The following ARMH4 variants were observed in gnomAD, a reference collection of about 807,000 sequenced individuals.
ARMH4 encodes the protein armadillo like helical domain containing 4, also known as armadillo-like helical domain-containing protein 4.
ARMH4 carries 49 observed loss-of-function variants against 61.9 expected under a neutral mutation model. That is an observed-to-expected ratio of 0.79 (90% CI 0.63 to 1.00). The LOEUF (loss-of-function observed/expected upper bound fraction) is 1.00. Among genes scored for constraint, ARMH4 ranks in the 50% least tolerant of loss-of-function variants. The probability of loss-of-function intolerance (pLI) is 0.00; values close to 1 mark genes in which losing one functional copy is unlikely to be tolerated. For synonymous variants in ARMH4, 368 were observed against 341.5 expected (o/e 1.08, Z -0.85); for missense variants, 934 against 930.0 (o/e 1.00, Z -0.06).
intron 5 of ARMH4, among the ~76,000 whole-genome samples, chr14:58,095,323 G>C (rs1418616886): frequency 6.6e-6 from 1 of 152,168 alleles, no homozygotes; most frequent in Non-Finnish European, 1.5e-5. Flanking sequence ...ACAACCCGAG[G>C]AGTCACTTTA....
intron 5 of ARMH4, among the ~76,000 whole-genome samples, chr14:58,053,273 A>G (rs926467886): frequency 6.6e-6 from 1 of 152,192 alleles, no homozygotes; most frequent in African/African-American, 2.4e-5. Flanking sequence ...GTGCTATTCT[A>G]TCCTATTTTA....
chr14:58,139,155 C>A lies in ARMH4; in HGVS notation c.204G>T (p.Leu68=). The A allele has an allele frequency of 1.9e-6, 3 of 1,614,170 alleles. No homozygotes were observed. Among genetic ancestry groups the A allele is most frequent in the Non-Finnish European group, 2.5e-6 (3 of 1,180,028 alleles). Reference sequence around the variant, plus strand: ...TCATCATTGGATCTTCAGAGACCACCAGTTGGGGAGTCTGCTTTGAGGTAA... The same window carrying A: ...TCATCATTGGATCTTCAGAGACCACAAGTTGGGGAGTCTGCTTTGAGGTAA... ...SSVTSKQTPQ[L]VVSEDPMMMS... is the part of the protein sequence containing the mutation. Residue 68 remains leucine, a synonymous_variant, in exon 2 of 8, where the codon CTG becomes CTT. Transcript: ENST00000267485.
chr14:58,138,343 C>T lies in ARMH4; in HGVS notation c.1016G>A (p.Arg339Lys). 1 of 1,614,214 alleles carries T rather than the reference C, an allele frequency of 6.2e-7. No individual in the cohort carries two copies. The highest frequency in any genetic ancestry group is 8.5e-7 in the Non-Finnish European group (1 of 1,180,036). ...KLGDNEETQV[R>K]TEMSQTAQVS... Reference sequence around the variant, plus strand: ...TTGTGCTGTCTGAGACATCTCCGTTCTCACCTGAGTCTCTTCATTGTCTCC... The same window carrying T: ...TTGTGCTGTCTGAGACATCTCCGTTTTCACCTGAGTCTCTTCATTGTCTCC... The change falls in exon 2 of 8, where the codon AGA becomes AAA. Residue 339 changes from arginine (R) to lysine (K), a missense_variant. By Grantham distance (26) the Arg-to-Lys change is conservative (BLOSUM62 2). Coordinates refer to ENST00000267485, the MANE Select transcript of ARMH4 (RefSeq NM_001001872.4).
In ARMH4 at chr14:58,096,861, G is replaced by A. The variant is rs147449063; in HGVS notation, c.1952C>T (p.Thr651Ile). Reference protein sequence around the residue: ...DSLDEGLDGDTELPGFTLPGI... With the variant: ...DSLDEGLDGDIELPGFTLPGI... ...AGGGAGGGTAAAACCTGGCAGCTCAGTGTCACCATCCAAGCCCTCATCCAG... is the reference window on the plus strand; with the variant it reads ...AGGGAGGGTAAAACCTGGCAGCTCAATGTCACCATCCAAGCCCTCATCCAG... Residue 651 changes from threonine (T) to isoleucine (I), a missense_variant, in exon 5 of 8, where the codon ACT becomes ATT. Transcript: ENST00000267485. 5.6e-6 allele frequency: 9 copies of A among 1,614,106 alleles called. No homozygotes were observed. Among genetic ancestry groups the A allele is most frequent in the South Asian group, 4.4e-5 (4 of 91,074 alleles).
intron 5 of ARMH4, among the ~76,000 whole-genome samples, chr14:58,069,029 C>G (rs1459140821): frequency 1.3e-5 from 2 of 148,950 alleles, no homozygotes; most frequent in Non-Finnish European, 3.0e-5. Context: ...AAAAGAGAGA[C>G]AGAGATAAAA....
At position 58,137,995 on chromosome 14, in the gene ARMH4, A is replaced by C. The variant is rs1437273594; in HGVS notation, c.1364T>G (p.Met455Arg). Residue 455 changes from methionine to arginine, a missense_variant, in exon 2 of 8, where the codon ATG becomes AGG. By Grantham distance (91) the Met-to-Arg change is moderately conservative (BLOSUM62 -1). Transcript: ENST00000267485. Reference sequence around the variant, plus strand: ...TTTCTTTTTCTTTCTTTTACCTTTCATTGTATTTCCCAACAGTTGGTCTGC... The same window carrying C: ...TTTCTTTTTCTTTCTTTTACCTTTCCTTGTATTTCCCAACAGTTGGTCTGC... ...SEADQLLGNT[M>R]KDIITQEMTT... 2 of 1,595,622 alleles carry C rather than the reference A, an allele frequency of 1.3e-6. No homozygotes were observed. Among genetic ancestry groups the C allele is most frequent in the African/African-American group, 1.3e-5 (1 of 74,202 alleles).
At chr14:58,059,535 CT>C (rs1884462365) in intron 5 of ARMH4, among the ~76,000 whole-genome samples, 1 of 152,230 alleles carries the variant, frequency 6.6e-6, no homozygotes, top group Admixed American at 6.5e-5. Flanking sequence ...GTCCCTTCAG[CT>C]GCTGCCTGTG....
chr14:58,054,027 C>T (rs953009612), intron 5 of ARMH4, among the ~76,000 whole-genome samples: 6 of 152,190 alleles, frequency 3.9e-5, no homozygotes, highest in Non-Finnish European at 5.9e-5. Context: ...GCCCTTGGTA[C>T]GTCTCAAAGA....
rs147980424 is a variant in ARMH4 at position 58,057,335 on chromosome 14, A to G, written c.2089+39389T>C. Among the ~76,000 whole-genome samples, 18 of 152,352 alleles carry G rather than the reference A, an allele frequency of 1.2e-4. No individual in the cohort carries two copies. The East Asian group carries it at 3.5e-3, about 29-fold the overall frequency. On this transcript the variant is annotated intron_variant, in intron 5 of 7. Transcript: ENST00000267485. The stretch of plus-strand genomic sequence containing the variant: ...GAGAGATTTTACAGGACACTTAGGT[A>G]CTACGCAATTTGTTAAGCAGTTTAC...
intron 5 of ARMH4, among the ~76,000 whole-genome samples, chr14:58,020,187 C>A (rs80003551): frequency 0.031 from 4,783 of 152,226 alleles, 93 homozygotes; most frequent in Middle Eastern, 0.075. Flanking sequence ...GGAACTCAGA[C>A]CTTTATGGCT....
At chr14:58,146,378 A>G (rs986646616) in intron 1 of ARMH4, among the ~76,000 whole-genome samples, 1 of 152,204 alleles carries the variant, frequency 6.6e-6, no homozygotes, top group Non-Finnish European at 1.5e-5. Context: ...TTTTCACTGT[A>G]TCTCTCCATG....
At chr14:58,057,833 T>C (rs1387776119) in intron 5 of ARMH4, among the ~76,000 whole-genome samples, 2 of 152,182 alleles carry the variant, frequency 1.3e-5, no homozygotes, top group African/African-American at 4.8e-5. Context: ...CCTTATTCAC[T>C]ACCACCTATG....
rs747494323 is a variant in ARMH4 at position 58,138,839 on chromosome 14, C to G, written c.520G>C (p.Glu174Gln). ...LTSTNFQPIV[E>Q]EITETTKGFL... is the part of the protein sequence containing the mutation. ...CCTTTTGTGGTTTCTGTGATCTCTT[C>G]TACAATGGGCTGAAAGTTAGTGCTT... The change falls in exon 2 of 8, where the codon GAA becomes CAA. Residue 174 changes from glutamate (E) to glutamine (Q), a missense_variant. Coordinates refer to ENST00000267485, the MANE Select transcript of ARMH4 (RefSeq NM_001001872.4). 20 of 1,614,086 alleles carry G rather than the reference C, an allele frequency of 1.2e-5. No homozygotes were observed. The East Asian group carries it at 4.0e-4, about 32-fold the overall frequency.
rs541638528 is a variant in ARMH4, at chr14:58,003,401, T to G, written c.*1335A>C. The stretch of plus-strand genomic sequence containing the variant: ...TATGTCCTACCTCACATAGTAGCTC[T>G]GAGGAATAACTGTGCAACTTTTCTT... On this transcript the variant is annotated 3_prime_UTR_variant, in exon 8 of 8. Coordinates refer to ENST00000267485, the MANE Select transcript of ARMH4 (RefSeq NM_001001872.4). 1 of 152,368 alleles carries G rather than the reference T, an allele frequency of 6.6e-6. No homozygotes were observed. Among genetic ancestry groups the G allele is most frequent in the African/African-American group, 2.4e-5 (1 of 41,594 alleles). The allele number at this position is 152,368 out of a possible 1,614,324, so 9.4% of individuals were successfully genotyped here.
intron 5 of ARMH4, among the ~76,000 whole-genome samples, chr14:58,064,696 G>A (rs1016306903): frequency 2.0e-5 from 3 of 152,098 alleles, no homozygotes; most frequent in African/African-American, 4.8e-5. Context: ...ATTGTGCTAG[G>A]TGCCATTGAT....
At chr14:58,039,190 T>C (rs561387727) in intron 5 of ARMH4, among the ~76,000 whole-genome samples, 1 of 152,326 alleles carries the variant, frequency 6.6e-6, no homozygotes, top group South Asian at 2.1e-4. Flanking sequence ...TGAACTATCA[T>C]TTGAGTCTTT....
rs116540427 is a variant in ARMH4 at position 58,081,500 on chromosome 14, A to T, written c.2089+15224T>A. 2.6e-3 allele frequency among the ~76,000 whole-genome samples: 389 copies of T among 151,656 alleles called. 1 individual carries two copies. Among genetic ancestry groups the T allele is most frequent in the African/African-American group, 8.7e-3 (360 of 41,234 alleles). ...CAAAACACTCTCAAATTTTAAGTTC[A>T]TATCTTTTTTTTTTTTTTTAGACGG... On this transcript the variant is annotated intron_variant, in intron 5 of 7. Transcript: ENST00000267485.
chr14:58,102,111 C>A (rs1414319774), intron 4 of ARMH4, among the ~76,000 whole-genome samples: 5 of 152,186 alleles, frequency 3.3e-5, no homozygotes, highest in Non-Finnish European at 7.4e-5. Context: ...GATGTAAATT[C>A]TCAGCAGGAG....
intron 5 of ARMH4, among the ~76,000 whole-genome samples, chr14:58,060,680 A>C (rs555543863): frequency 2.0e-5 from 3 of 152,316 alleles, no homozygotes; most frequent in South Asian, 4.1e-4. Context: ...AGCATTTCTA[A>C]GCATATGATT....
Sources: gnomAD v4.1 joint callset for allele counts (sites outside exome capture counted in the v4.1 genomes callset) on GRCh38, gnomAD v4.1.1 for gene constraint, MANE v1.5 for transcripts, NCBI Gene and HGNC (gene_info 2026-07-23, HGNC 2026-07-21) for gene names.